The following PLCG1 variants were observed in gnomAD, a reference collection of about 807,000 sequenced individuals.
PLCG1 encodes phospholipase C gamma 1, also known as 1-phosphatidylinositol 4,5-bisphosphate phosphodiesterase gamma-1.
A neutral mutation model predicts 177.8 loss-of-function variants in PLCG1; 71 were observed. That is an observed-to-expected ratio of 0.40 (90% CI 0.33 to 0.49). PLCG1 has a LOEUF of 0.49. Among genes scored for constraint, PLCG1 ranks in the 20% least tolerant of loss-of-function variants. The probability of loss-of-function intolerance (pLI) is 0.72; values close to 1 mark genes in which losing one functional copy is unlikely to be tolerated. For synonymous variants in PLCG1, 658 were observed against 647.9 expected (o/e 1.02, Z -0.24); for missense variants, 1,281 against 1,709.0 (o/e 0.75, Z 4.42).
Position 41,165,331 on chromosome 20 carries a change from G to A in PLCG1, c.1473G>A (p.Lys491=), listed in dbSNP as rs267605932. 1 of 1,614,194 alleles carries A rather than the reference G, an allele frequency of 6.2e-7. No individual in the cohort carries two copies. The highest frequency in any genetic ancestry group is 8.5e-7 in the Non-Finnish European group (1 of 1,180,022). The change falls in exon 14 of 32, where the codon AAG becomes AAA. Residue 491 remains lysine, a synonymous_variant. Coordinates refer to ENST00000685551, the MANE Select transcript of PLCG1 (RefSeq NM_002660.3). The surrounding 1 kb of genome is among the most constrained non-coding windows in gnomAD (Gnocchi z 6.6). ...YSENDISNSI[K]NGILYLEDPV... is the part of the protein sequence containing the mutation. Reference sequence around the variant, plus strand: ...AGAACGACATCAGCAACTCTATCAAGAATGGCATCCTCTACCTGGAGGACC... The same window carrying A: ...AGAACGACATCAGCAACTCTATCAAAAATGGCATCCTCTACCTGGAGGACC...
chr20:41,168,028 A>C (rs1323081064), intron 20 of PLCG1, 99 bp downstream of exon 20: 21 of 861,706 alleles, frequency 2.4e-5, no homozygotes, highest in Non-Finnish European at 3.6e-5. Context: ...TTTGTGGAGA[A>C]GTGGTGGTTG....
rs2035569677 is a variant in PLCG1 at position 41,163,182 on chromosome 20, G to T, written c.717-21G>T. On this transcript the variant is annotated intron_variant, in intron 7 of 31. Transcript: ENST00000685551. The surrounding 1 kb of genome is among the most constrained non-coding windows in gnomAD (Gnocchi z 5.2). ...TGTTGTCTGTTGACCATACTAGCTA[G>T]CTTACCTTCTCTCCCTGCAGGGCTG... 6.5e-7 allele frequency: 1 copy of T among 1,546,618 alleles called. No homozygotes were observed. The highest frequency in any genetic ancestry group is 8.7e-7 in the Non-Finnish European group (1 of 1,148,638).
At chr20:41,162,230 T>TTTTTG (rs2035524981) in intron 4 of PLCG1, 9 of 297,926 alleles carry the variant, frequency 3.0e-5, no homozygotes, top group South Asian at 2.7e-4. Context: ...GTTTGTTTTG[T>TTTTTG]TTTTGTTTTT....
In PLCG1 at chr20:41,163,500, A is replaced by AT. The variant is rs1256421721; in HGVS notation, c.891+27dup. 1.3e-6 allele frequency: 2 copies of AT among 1,558,592 alleles called. No homozygotes were observed. The highest frequency in any genetic ancestry group is 1.7e-5 in the Admixed American group (1 of 59,908). ...ATGAGGTGAGCCCGATGTTTCACCC[A>AT]TTTTTTGTCAAGAGAATGAGTAGGG... On this transcript the variant is annotated intron_variant, in intron 9 of 31. Coordinates refer to ENST00000685551, the MANE Select transcript of PLCG1 (RefSeq NM_002660.3). This position sits in a 1 kb window ranked among gnomAD's most constrained non-coding sequence, Gnocchi z 5.2.
rs371264134 is a variant in PLCG1, at chr20:41,166,200, C to T, written c.1806C>T (p.Asn602=). 65 of 1,612,756 alleles carry T rather than the reference C, an allele frequency of 4.0e-5. No homozygotes were observed. Among genetic ancestry groups the T allele is most frequent in the South Asian group, 2.1e-4 (19 of 91,082 alleles). ...VGDYTLSFWR[N]GKVQHCRIHS... ...CACTCTGTGTCTTCCACAGGCGGAA[C>T]GGGAAAGTCCAGCACTGCCGTATCC... Residue 602 remains asparagine, a synonymous_variant, in exon 17 of 32, where the codon AAC becomes AAT. Transcript: ENST00000685551. This position sits in a 1 kb window ranked among gnomAD's most constrained non-coding sequence, Gnocchi z 8.6.
chr20:41,172,943 T>C lies in PLCG1; in HGVS notation c.3279+66T>C, dbSNP rs1002830683. 15 of 1,539,960 alleles carry C rather than the reference T, an allele frequency of 9.7e-6. No homozygotes were observed. In the African/African-American group the frequency reaches 2.0e-4, roughly 21 times the overall value. On this transcript the variant is annotated intron_variant, in intron 27 of 31. Transcript: ENST00000685551. The surrounding 1 kb of genome is among the most constrained non-coding windows in gnomAD (Gnocchi z 7.0). ...TGCTTGCCGTTGGAGTCTGTTTATG[T>C]TGAGTTCTCCAAAAGTAGGTATTTT...
rs531955782 is a variant in PLCG1 at position 41,173,314 on chromosome 20, C to G, written c.3280-106C>G. 939 of 1,232,948 alleles carry G rather than the reference C, an allele frequency of 7.6e-4. 2 individuals are homozygous for G. The highest frequency in any genetic ancestry group is 8.6e-4 in the Admixed American group (31 of 35,906). The allele number at this position is 1,232,948 out of a possible 1,614,324, so 76.4% of individuals were successfully genotyped here. A position where few individuals can be genotyped will look rare whatever the true frequency, so the allele number is the denominator to read the frequency against. ...CATGGGCAGTGTCCCGGGGGCCCAG[C>G]AGAGGGCGCGCTGCCTCCACTCCAC... On this transcript the variant is annotated intron_variant, in intron 27 of 31. Coordinates refer to ENST00000685551, the MANE Select transcript of PLCG1 (RefSeq NM_002660.3). This position sits in a 1 kb window ranked among gnomAD's most constrained non-coding sequence, Gnocchi z 6.2.
At chr20:41,140,044 C>G (rs2034769725) in intron 1 of PLCG1, among the ~76,000 whole-genome samples, 2 of 152,040 alleles carry the variant, frequency 1.3e-5, no homozygotes, top group South Asian at 4.1e-4. Context: ...TATCATGCCT[C>G]ATGTATTTGG....
Position 41,163,865 on chromosome 20 carries a change from T to G in PLCG1, c.1010+32T>G, listed in dbSNP as rs766722571. ...GTGGCTCCTTCAGGCCCACCCAGCT[T>G]CTTCCCCAGGAGGGCCCATCTGACC... On this transcript the variant is annotated intron_variant, in intron 10 of 31. Coordinates refer to ENST00000685551, the MANE Select transcript of PLCG1 (RefSeq NM_002660.3). This position sits in a 1 kb window ranked among gnomAD's most constrained non-coding sequence, Gnocchi z 5.2. 6.2e-7 allele frequency: 1 copy of G among 1,608,820 alleles called. No individual in the cohort carries two copies. Among genetic ancestry groups the G allele is most frequent in the South Asian group, 1.1e-5 (1 of 90,966 alleles).
At chr20:41,152,354 C>T (rs985509781) in intron 1 of PLCG1, among the ~76,000 whole-genome samples, 1 of 152,208 alleles carries the variant, frequency 6.6e-6, no homozygotes, top group Non-Finnish European at 1.5e-5. Context: ...TTCCCACTGG[C>T]TATAGGAATC....
chr20:41,159,495 G>C lies in PLCG1; in HGVS notation c.218-111G>C. On this transcript the variant is annotated intron_variant, in intron 1 of 31. Coordinates refer to ENST00000685551, the MANE Select transcript of PLCG1 (RefSeq NM_002660.3). This position sits in a 1 kb window ranked among gnomAD's most constrained non-coding sequence, Gnocchi z 6.0. ...ACTGAGTGGTCTTGGCTCTGCCTCTGGGGTTCCTCCCTGAGAGAGAGTGTA... is the reference window on the plus strand; with the variant it reads ...ACTGAGTGGTCTTGGCTCTGCCTCTCGGGTTCCTCCCTGAGAGAGAGTGTA... 1 of 1,105,138 alleles carries C rather than the reference G, an allele frequency of 9.0e-7. No individual in the cohort carries two copies. The highest frequency in any genetic ancestry group is 1.3e-6 in the Non-Finnish European group (1 of 768,114). The allele number at this position is 1,105,138 out of a possible 1,614,324, so 68.5% of individuals were successfully genotyped here.
rs942872488 is a variant in PLCG1 at position 41,167,308 on chromosome 20, G to A, written c.2301+449G>A. 1.3e-5 allele frequency among the ~76,000 whole-genome samples: 2 copies of A among 152,192 alleles called. No homozygotes were observed. The highest frequency in any genetic ancestry group is 4.8e-5 in the African/African-American group (2 of 41,448). On this transcript the variant is annotated intron_variant, in intron 19 of 31. Transcript: ENST00000685551. This position sits in a 1 kb window ranked among gnomAD's most constrained non-coding sequence, Gnocchi z 4.4. ...AGGGAAAAAGTCAGGACCCATGGCAGCACAGCTGGTGATAAGGGCCCTGGA... is the reference window on the plus strand; with the variant it reads ...AGGGAAAAAGTCAGGACCCATGGCAACACAGCTGGTGATAAGGGCCCTGGA...
chr20:41,147,570 G>A lies in PLCG1; in HGVS notation c.217+9712G>A, dbSNP rs1406448356. ...GGTGAGTTCAAAGAATTTAAGCTGG[G>A]CTGGGCACGGTGGCTCACGCCTGTA... On this transcript the variant is annotated intron_variant, in intron 1 of 31. Transcript: ENST00000685551. The surrounding 1 kb of genome is among the most constrained non-coding windows in gnomAD (Gnocchi z 4.0). Among the ~76,000 whole-genome samples, 1 of 152,226 alleles carries A rather than the reference G, an allele frequency of 6.6e-6. No homozygotes were observed. Among genetic ancestry groups the A allele is most frequent in the Non-Finnish European group, 1.5e-5 (1 of 68,030 alleles).
In PLCG1 at chr20:41,150,170, A is replaced by G. The variant is rs2035122769; in HGVS notation, c.218-9436A>G. On this transcript the variant is annotated intron_variant, in intron 1 of 31. Coordinates refer to ENST00000685551, the MANE Select transcript of PLCG1 (RefSeq NM_002660.3). The surrounding 1 kb of genome is among the most constrained non-coding windows in gnomAD (Gnocchi z 4.0). ...GTGCCACTGCACTCCAGCCTGGACAACAGAGTGACTTATGGGCCAGGCATG... is the reference window on the plus strand; with the variant it reads ...GTGCCACTGCACTCCAGCCTGGACAGCAGAGTGACTTATGGGCCAGGCATG... 6.6e-6 allele frequency among the ~76,000 whole-genome samples: 1 copy of G among 152,066 alleles called. No individual in the cohort carries two copies. The highest frequency in any genetic ancestry group is 1.9e-4 in the East Asian group (1 of 5,184).
intron 1 of PLCG1, among the ~76,000 whole-genome samples, chr20:41,149,360 A>T (rs1341458321): frequency 6.6e-6 from 1 of 152,206 alleles, no homozygotes; most frequent in Non-Finnish European, 1.5e-5. Flanking sequence ...AGCCAGTGGG[A>T]CTTCTCAGAG....
chr20:41,168,748 G>A lies in PLCG1; in HGVS notation c.2380-19G>A, dbSNP rs953857037. 3 of 1,507,556 alleles carry A rather than the reference G, an allele frequency of 2.0e-6. No homozygotes were observed. Among genetic ancestry groups the A allele is most frequent in the Non-Finnish European group, 2.8e-6 (3 of 1,087,106 alleles). The allele number at this position is 1,507,556 out of a possible 1,614,324, so 93.4% of individuals were successfully genotyped here. A position where few individuals can be genotyped will look rare whatever the true frequency, so the allele number is the denominator to read the frequency against. On this transcript the variant is annotated intron_variant, in intron 20 of 31. Coordinates refer to ENST00000685551, the MANE Select transcript of PLCG1 (RefSeq NM_002660.3). ...AGGGAGAGCCTTTCTGCTCTGACTG[G>A]TGCTTCTCACCTCTGCAGTGTGCAG...
At position 41,162,712 on chromosome 20, in the gene PLCG1, G is replaced by A. The variant is rs760067342; in HGVS notation, c.668G>A (p.Ser223Asn). Reference protein sequence around the residue: ...FAQLYRSLMYSAQKTMDLPFL... With the variant: ...FAQLYRSLMYNAQKTMDLPFL... Reference sequence around the variant, plus strand: ...CAGCTGTACCGCAGCCTCATGTACAGCGCCCAGAAGACGGTGCATGAGCCA... The same window carrying A: ...CAGCTGTACCGCAGCCTCATGTACAACGCCCAGAAGACGGTGCATGAGCCA... Residue 223 changes from serine (S) to asparagine (N), a missense_variant, in exon 6 of 32, where the codon AGC becomes AAC. Around this residue, in one of 4 missense-constraint regions of PLCG1, gnomAD observed 374 missense variants for 443.8 expected, o/e 0.84. Coordinates refer to ENST00000685551, the MANE Select transcript of PLCG1 (RefSeq NM_002660.3). The A allele has an allele frequency of 1.2e-6, 2 of 1,613,006 alleles. No individual in the cohort carries two copies. The highest frequency in any genetic ancestry group is 3.3e-5 in the Admixed American group (2 of 59,936).
Position 41,148,107 on chromosome 20 carries a change from A to C in PLCG1, c.217+10249A>C, listed in dbSNP as rs979663505. Reference sequence around the variant, plus strand: ...TTCTGCTGAAGCAGGATGTCTCAGCAAGCAGGCCTCTGACCTGACGACTTC... The same window carrying C: ...TTCTGCTGAAGCAGGATGTCTCAGCCAGCAGGCCTCTGACCTGACGACTTC... On this transcript the variant is annotated intron_variant, in intron 1 of 31. Transcript: ENST00000685551. This position sits in a 1 kb window ranked among gnomAD's most constrained non-coding sequence, Gnocchi z 4.3. 6.6e-6 allele frequency among the ~76,000 whole-genome samples: 1 copy of C among 152,178 alleles called. No individual in the cohort carries two copies. Among genetic ancestry groups the C allele is most frequent in the East Asian group, 1.9e-4 (1 of 5,192 alleles).
intron 1 of PLCG1, among the ~76,000 whole-genome samples, chr20:41,158,260 G>T (rs896962495): frequency 6.6e-6 from 1 of 152,166 alleles, no homozygotes; most frequent in Non-Finnish European, 1.5e-5. Flanking sequence ...AGTTCGGGCT[G>T]GAAGGGCTCC....
Sources: allele counts gnomAD v4.1 joint callset (sites outside exome capture counted in the v4.1 genomes callset), GRCh38; gene constraint gnomAD v4.1.1; regional missense constraint gnomAD v4.1.1; non-coding constraint Gnocchi (gnomAD v3.1); transcripts MANE v1.5; gene names NCBI Gene and HGNC (gene_info 2026-07-23, HGNC 2026-07-21).